The following MICU1 variants were observed in gnomAD, a reference collection of about 807,000 sequenced individuals.
MICU1 encodes the protein mitochondrial calcium uptake 1.
Under a neutral mutation model 56.8 loss-of-function variants are expected in MICU1, and 45 were observed. The ratio of observed to expected loss-of-function variants is 0.79; its 90% confidence interval spans 0.62 to 1.02. The LOEUF (loss-of-function observed/expected upper bound fraction) is 1.02, where lower values mean the gene tolerates loss of function less well. Among genes scored for constraint, MICU1 ranks in the 50% least tolerant of loss-of-function variants. The pLI, the probability that MICU1 is intolerant of heterozygous loss-of-function variation, is 0.00. For missense variants in MICU1, 504 were observed against 587.1 expected (o/e 0.86, Z 1.46); for synonymous variants, 186 against 195.1 (o/e 0.95, Z 0.39).
intron 8 of MICU1, among the ~76,000 whole-genome samples, chr10:72,462,820 A>G (rs1865678115): frequency 6.6e-6 from 1 of 152,232 alleles, no homozygotes; most frequent in Non-Finnish European, 1.5e-5. Context: ...TGCTAAGACT[A>G]TTTGAAAGAC....
intron 6 of MICU1, among the ~76,000 whole-genome samples, chr10:72,500,339 A>C (rs1867028868): frequency 1.3e-5 from 1 of 75,176 alleles, no homozygotes; most frequent in African/African-American, 6.0e-5. Flanking sequence ...TTTTTGAGAC[A>C]GTCTTGCTTT....
chr10:72,423,951 TAA>T (rs1169287680), intron 8 of MICU1, among the ~76,000 whole-genome samples: 1 of 152,214 alleles, frequency 6.6e-6, no homozygotes, highest in Non-Finnish European at 1.5e-5. Context: ...ATAAGAAAGT[TAA>T]GAGTGAATTT....
At chr10:72,494,388 C>T (rs1402985961) in intron 6 of MICU1, among the ~76,000 whole-genome samples, 4 of 151,974 alleles carry the variant, frequency 2.6e-5, no homozygotes, top group African/African-American at 4.8e-5. Flanking sequence ...TGTTTCTACT[C>T]GAATAAATTC....
chr10:72,415,835 G>C (rs1013359185), intron 9 of MICU1, among the ~76,000 whole-genome samples: 1 of 152,176 alleles, frequency 6.6e-6, no homozygotes, highest in African/African-American at 2.4e-5. Context: ...TTAGTAAGAA[G>C]GCTATGGACT....
At chr10:72,378,679 T>C (rs895061028) in intron 10 of MICU1, among the ~76,000 whole-genome samples, 2 of 152,176 alleles carry the variant, frequency 1.3e-5, no homozygotes, top group Non-Finnish European at 2.9e-5. Context: ...ACTGGAGCAA[T>C]GCAGAGGAGC....
intron 1 of MICU1, among the ~76,000 whole-genome samples, chr10:72,613,812 T>C (rs1400447420): frequency 6.6e-6 from 1 of 152,052 alleles, no homozygotes; most frequent in African/African-American, 2.4e-5. Context: ...ATACATAACC[T>C]TTTTCTCCCC....
intron 4 of MICU1, 141 bp downstream of exon 4, chr10:72,551,038 C>T (rs889857598): frequency 3.6e-6 from 3 of 839,864 alleles, no homozygotes; most frequent in African/African-American, 3.5e-5. Context: ...TAAAGCCTAG[C>T]ACAATGCCTG....
At chr10:72,470,818 A>G (rs1356980103) in intron 8 of MICU1, among the ~76,000 whole-genome samples, 1 of 152,218 alleles carries the variant, frequency 6.6e-6, no homozygotes. Context: ...ACTACATGTT[A>G]GGCTGCATTC....
chr10:72,492,962 C>T (rs1866712624), intron 6 of MICU1, among the ~76,000 whole-genome samples: 1 of 151,424 alleles, frequency 6.6e-6, no homozygotes, highest in South Asian at 2.1e-4. Context: ...ACTAAAAATA[C>T]AAAAATTAGC....
intron 6 of MICU1, among the ~76,000 whole-genome samples, chr10:72,491,100 T>C (rs1866640399): frequency 6.6e-6 from 1 of 152,212 alleles, no homozygotes; most frequent in Non-Finnish European, 1.5e-5. Context: ...AGAAGACCGA[T>C]GACCCTGTCT....
chr10:72,408,068 G>C, intron 9 of MICU1, 31 bp from the exon 10 acceptor site: 3 of 1,479,878 alleles, frequency 2.0e-6, no homozygotes, highest in Non-Finnish European at 2.8e-6. Flanking sequence ...AGGTAAGGCA[G>C]GACCTGTAAC....
At chr10:72,455,350 CAA>C (rs56378605) in intron 8 of MICU1, among the ~76,000 whole-genome samples, 1 of 44,204 alleles carries the variant, frequency 2.3e-5, no homozygotes, top group Non-Finnish European at 4.3e-5. Context: ...GACTCTGTCT[CAA>C]AAAAAAAAAA....
At position 72,368,360 on chromosome 10, in the gene MICU1, A is replaced by G; in HGVS notation, c.1271-5T>C. The G allele has an allele frequency of 6.2e-7, 1 of 1,611,422 alleles. No homozygotes were observed. The highest frequency in any genetic ancestry group is 8.5e-7 in the Non-Finnish European group (1 of 1,177,802). On this transcript the variant is annotated splice_polypyrimidine_tract_variant and splice_region_variant and intron_variant, in intron 11 of 11. Coordinates refer to ENST00000361114, the MANE Select transcript of MICU1 (RefSeq NM_001195518.2). Reference sequence around the variant, plus strand: ...TATTGCTCAGTTCGCCATTGCCTAGAGGAAGAGGCAAAAACAACAGGGATA... The same window carrying G: ...TATTGCTCAGTTCGCCATTGCCTAGGGGAAGAGGCAAAAACAACAGGGATA...
chr10:72,506,268 T>G (rs1867249100), intron 6 of MICU1, among the ~76,000 whole-genome samples: 1 of 152,222 alleles, frequency 6.6e-6, no homozygotes, highest in African/African-American at 2.4e-5. Flanking sequence ...TACCAGGTAC[T>G]CTGAAGGTTC....
At chr10:72,606,092 C>T (rs1182484565) in intron 1 of MICU1, among the ~76,000 whole-genome samples, 2 of 148,670 alleles carry the variant, frequency 1.3e-5, no homozygotes, top group African/African-American at 2.5e-5. Context: ...GATTGCACCA[C>T]TGCACTCCAG....
At chr10:72,551,576 T>G (rs1033186957) in intron 3 of MICU1, among the ~76,000 whole-genome samples, 1 of 152,202 alleles carries the variant, frequency 6.6e-6, no homozygotes, top group Non-Finnish European at 1.5e-5. Context: ...GTTGAGGCAA[T>G]GCTCATGTAA....
chr10:72,583,008 C>T (rs1169644329), intron 1 of MICU1: 1 of 152,006 alleles, frequency 6.6e-6, no homozygotes, highest in Non-Finnish European at 1.5e-5. Flanking sequence ...GCCAAAACTC[C>T]CATGCTGACC....
chr10:72,561,364 G>A (rs373487713), intron 3 of MICU1, among the ~76,000 whole-genome samples: 5 of 152,212 alleles, frequency 3.3e-5, no homozygotes, highest in African/African-American at 1.2e-4. Flanking sequence ...ACAGAGTAAA[G>A]TTGTGCTTTC....
At chr10:72,556,642 T>TAGTAACG (rs1325364612) in intron 3 of MICU1, among the ~76,000 whole-genome samples, 1 of 151,988 alleles carries the variant, frequency 6.6e-6, no homozygotes. Context: ...TCCAGCCCCA[T>TAGTAACG]AGTAACGTTC....
Sources: allele counts gnomAD v4.1 joint callset (sites outside exome capture counted in the v4.1 genomes callset), GRCh38; gene constraint gnomAD v4.1.1; transcripts MANE v1.5; gene names NCBI Gene and HGNC (gene_info 2026-07-23, HGNC 2026-07-21).